USP47: variants seen among roughly 807,000 people sequenced by gnomAD.
USP47 encodes the protein ubiquitin specific peptidase 47, also known as ubiquitin carboxyl-terminal hydrolase 47.
In USP47, 35 loss-of-function variants were observed where a neutral mutation model predicts 165.1. The observed-to-expected ratio is 0.21, with a 90% confidence interval of 0.16 to 0.28. The LOEUF (loss-of-function observed/expected upper bound fraction) is 0.28. Among genes scored for constraint, USP47 ranks in the 10% least tolerant of loss-of-function variants. The pLI is 1.00. For synonymous variants in USP47, 531 were observed against 544.5 expected (o/e 0.98, Z 0.35); for missense variants, 1,277 against 1,607.4 (o/e 0.79, Z 3.52).
chr11:11,887,090 T>C (rs1410753034), intron 3 of USP47, among the ~76,000 whole-genome samples: 1 of 151,984 alleles, frequency 6.6e-6, no homozygotes, highest in Non-Finnish European at 1.5e-5. Flanking sequence ...AAGCACTAAA[T>C]ATGGGAAGGA....
intron 8 of USP47, among the ~76,000 whole-genome samples, chr11:11,909,647 T>A (rs998709523): frequency 6.6e-6 from 1 of 152,182 alleles, no homozygotes; most frequent in Non-Finnish European, 1.5e-5. Flanking sequence ...CATTTTCTTT[T>A]AGGATACTTT....
chr11:11,898,167 C>G (rs1030842672), intron 5 of USP47, among the ~76,000 whole-genome samples: 1 of 151,720 alleles, frequency 6.6e-6, no homozygotes, highest in Non-Finnish European at 1.5e-5. Context: ...TTCTAAAAGA[C>G]TCCATATACA....
intron 7 of USP47, 95 bp downstream of exon 7, chr11:11,903,437 G>A: frequency 8.5e-7 from 1 of 1,176,078 alleles, no homozygotes. Flanking sequence ...TTAAAACTTG[G>A]GCATTAGTCT....
chr11:11,875,667 G>C (rs779824451), intron 1 of USP47, among the ~76,000 whole-genome samples: 4 of 151,926 alleles, frequency 2.6e-5, no homozygotes, highest in African/African-American at 9.7e-5. Context: ...GCAGTGGCAC[G>C]ATCTCAGCTC....
At chr11:11,842,355 C>T in intron 1 of USP47, 131 bp downstream of exon 1, 4 of 1,067,026 alleles carry the variant, frequency 3.7e-6, no homozygotes, top group Non-Finnish European at 5.3e-6. Flanking sequence ...AGGCGTGAGG[C>T]AGTCGGGGGT....
In USP47 at chr11:11,884,511, T is replaced by G; in HGVS notation, c.288T>G (p.Asn96Lys). 1 of 1,612,076 alleles carries G rather than the reference T, an allele frequency of 6.2e-7. No homozygotes were observed. The highest frequency in any genetic ancestry group is 8.5e-7 in the Non-Finnish European group (1 of 1,179,320). Residue 96 changes from asparagine to lysine, a missense_variant, in exon 3 of 28, where the codon AAT becomes AAG. Asn to Lys is a moderately conservative substitution (Grantham distance 94, BLOSUM62 0). Coordinates refer to ENST00000527733, the MANE Select transcript of USP47 (RefSeq NM_001282659.2). Reference sequence around the variant, plus strand: ...GTGACAAGTCACTTCTCGACGCTAATTTTGAGCCAGGAAAGAAGAACTTTC... The same window carrying G: ...GTGACAAGTCACTTCTCGACGCTAAGTTTGAGCCAGGAAAGAAGAACTTTC... ...HTSDKSLLDA[N>K]FEPGKKNFLH...
chr11:11,850,376 T>C (rs1207128632), intron 1 of USP47, among the ~76,000 whole-genome samples: 2 of 150,390 alleles, frequency 1.3e-5, no homozygotes, highest in African/African-American at 4.9e-5. Context: ...AGTTCTTATT[T>C]CTGCTATAAT....
chr11:11,855,401 T>C (rs1385160251), intron 1 of USP47, among the ~76,000 whole-genome samples: 1 of 152,226 alleles, frequency 6.6e-6, no homozygotes, highest in African/African-American at 2.4e-5. Flanking sequence ...CTGTCAGTGG[T>C]ACTATGATGA....
At chr11:11,955,491 T>C (rs1213185306) in intron 27 of USP47, among the ~76,000 whole-genome samples, 1 of 152,244 alleles carries the variant, frequency 6.6e-6, no homozygotes, top group African/African-American at 2.4e-5. Flanking sequence ...ATGTCTGTTA[T>C]ATTTCCAGCA....
intron 1 of USP47, among the ~76,000 whole-genome samples, chr11:11,869,898 C>G (rs886285815): frequency 1.1e-4 from 16 of 152,158 alleles, no homozygotes; most frequent in Non-Finnish European, 2.2e-4. Context: ...TATGATGTAG[C>G]AGGAAAGCCC....
intron 4 of USP47, among the ~76,000 whole-genome samples, chr11:11,897,165 C>T (rs990694518): frequency 2.0e-5 from 3 of 151,210 alleles, no homozygotes; most frequent in African/African-American, 7.3e-5. Context: ...TATAGTCTTT[C>T]TACACTGGAT....
chr11:11,906,547 A>G (rs1355322524), intron 8 of USP47, among the ~76,000 whole-genome samples: 2 of 152,162 alleles, frequency 1.3e-5, no homozygotes, highest in Admixed American at 1.3e-4. Context: ...GCAATAAATT[A>G]TGGAATCAGT....
intron 1 of USP47, among the ~76,000 whole-genome samples, chr11:11,879,047 T>G (rs931371326): frequency 3.3e-5 from 5 of 152,178 alleles, no homozygotes; most frequent in East Asian, 3.8e-4. Context: ...TCTCTCAGTT[T>G]AATGCCACAC....
At chr11:11,871,501 C>CAAAAAAAAAAAAAAA (rs71037046) in intron 1 of USP47, among the ~76,000 whole-genome samples, 21 of 63,154 alleles carry the variant, frequency 3.3e-4, no homozygotes, top group Non-Finnish European at 6.0e-4. Flanking sequence ...AACTCCCTCT[C>CAAAAAAAAAAAAAAA]AAAAAAAAAA....
At chr11:11,870,537 A>G (rs983154006) in intron 1 of USP47, among the ~76,000 whole-genome samples, 73 of 152,120 alleles carry the variant, frequency 4.8e-4, no homozygotes, top group African/African-American at 1.8e-3. Context: ...GGGTAGTTCC[A>G]CTGGATGCAA....
rs199605088 is a variant in USP47 at position 11,936,411 on chromosome 11, A to G, written c.1978A>G (p.Met660Val). The G allele has an allele frequency of 8.1e-6, 13 of 1,610,568 alleles. No homozygotes were observed. The highest frequency in any genetic ancestry group is 4.0e-5 in the African/African-American group (3 of 74,852). The change falls in exon 17 of 28, where the codon ATG becomes GTG. Residue 660 changes from methionine to valine, a missense_variant. Physicochemically the swap from Met to Val is conservative, Grantham distance 21 (BLOSUM62 1). Coordinates refer to ENST00000527733, the MANE Select transcript of USP47 (RefSeq NM_001282659.2). ...ATATGAAGGAGAAGAAGATACACCAATGGGGCTTCTACTAGGTGGCGTCAA... is the reference window on the plus strand; with the variant it reads ...ATATGAAGGAGAAGAAGATACACCAGTGGGGCTTCTACTAGGTGGCGTCAA... ...RSYEGEEDTP[M>V]GLLLGGVKST...
intron 18 of USP47, among the ~76,000 whole-genome samples, chr11:11,939,806 CTGCT>C (rs1228665302): frequency 6.6e-6 from 1 of 151,846 alleles, no homozygotes; most frequent in Non-Finnish European, 1.5e-5. Flanking sequence ...TTTAACCAGC[CTGCT>C]TAAGAATTAG....
At chr11:11,899,032 C>G (rs1852023294) in intron 5 of USP47, among the ~76,000 whole-genome samples, 2 of 152,206 alleles carry the variant, frequency 1.3e-5, no homozygotes, top group African/African-American at 4.8e-5. Flanking sequence ...AAGCACACTG[C>G]TAGAAGTTGC....
In USP47 at chr11:11,938,381, TA is replaced by T; in HGVS notation, c.2193+13del. 2 of 1,607,724 alleles carry T rather than the reference TA, an allele frequency of 1.2e-6. No individual in the cohort carries two copies. The highest frequency in any genetic ancestry group is 1.7e-6 in the Non-Finnish European group (2 of 1,175,540). On this transcript the variant is annotated intron_variant, in intron 18 of 27. Coordinates refer to ENST00000527733, the MANE Select transcript of USP47 (RefSeq NM_001282659.2). Reference sequence around the variant, plus strand: ...AACAACTGATTTCAAAGGTAAGTTTTAAAAGGGGTCTGTAAATAAATTTTTG... The same window carrying T: ...AACAACTGATTTCAAAGGTAAGTTTTAAAGGGGTCTGTAAATAAATTTTTG...
Sources: allele counts gnomAD v4.1 joint callset (sites outside exome capture counted in the v4.1 genomes callset), GRCh38; gene constraint gnomAD v4.1.1; transcripts MANE v1.5; gene names NCBI Gene and HGNC (gene_info 2026-07-23, HGNC 2026-07-21).